The following CAMKMT variants were observed in gnomAD, a reference collection of about 807,000 sequenced individuals.
CAMKMT encodes the protein calmodulin-lysine N-methyltransferase, also known as CaM KMT.
Under a neutral mutation model 48.0 loss-of-function variants are expected in CAMKMT, and 53 were observed. That is an observed-to-expected ratio of 1.10 (90% CI 0.89 to 1.39). The LOEUF (loss-of-function observed/expected upper bound fraction) is 1.39. Among genes scored for constraint, CAMKMT ranks in the 40% most tolerant of loss-of-function variants. CAMKMT has a pLI of 0.00. For missense variants in CAMKMT, 428 were observed against 402.7 expected, an observed-to-expected ratio of 1.06 and a Z score of -0.54; for synonymous variants, 165 against 152.3, an observed-to-expected ratio of 1.08 and a Z score of -0.61.
chr2:44,443,830 T>C (rs1463932070), intron 3 of CAMKMT, among the ~76,000 whole-genome samples: 1 of 152,208 alleles, frequency 6.6e-6, no homozygotes. Flanking sequence ...TCTCACCTCA[T>C]ATGTATGGCA....
intron 3 of CAMKMT, among the ~76,000 whole-genome samples, chr2:44,685,191 C>G (rs140005159): frequency 5.5e-4 from 83 of 152,038 alleles, no homozygotes; most frequent in African/African-American, 1.9e-3. Context: ...TTTTCTTTAT[C>G]AAAGTATGAT....
At chr2:44,468,887 C>G (rs1427728462) in intron 3 of CAMKMT, among the ~76,000 whole-genome samples, 3 of 152,124 alleles carry the variant, frequency 2.0e-5, no homozygotes, top group Non-Finnish European at 2.9e-5. Flanking sequence ...CATTGTACTA[C>G]AGCCTGGATG....
At chr2:44,754,670 A>G (rs1461034024) in intron 9 of CAMKMT, among the ~76,000 whole-genome samples, 1 of 152,230 alleles carries the variant, frequency 6.6e-6, no homozygotes, top group East Asian at 1.9e-4. Context: ...CAAGCATGGC[A>G]TAAAATATTG....
intron 9 of CAMKMT, among the ~76,000 whole-genome samples, chr2:44,755,850 C>T (rs890673543): frequency 1.3e-5 from 2 of 152,098 alleles, no homozygotes; most frequent in Non-Finnish European, 2.9e-5. Context: ...AGGCAGGGCC[C>T]TAGGGGAGGT....
chr2:44,736,245 T>A (rs1558826526), intron 7 of CAMKMT, among the ~76,000 whole-genome samples: 1 of 152,206 alleles, frequency 6.6e-6, no homozygotes, highest in Non-Finnish European at 1.5e-5. Flanking sequence ...TCTGAAAACA[T>A]CTGTTTCACC....
At chr2:44,453,291 G>T (rs1667389812) in intron 3 of CAMKMT, among the ~76,000 whole-genome samples, 1 of 152,136 alleles carries the variant, frequency 6.6e-6, no homozygotes, top group Admixed American at 6.6e-5. Context: ...TGCTATTAAT[G>T]TTTGTACTAG....
chr2:44,496,721 T>A (rs142563316), intron 3 of CAMKMT, among the ~76,000 whole-genome samples: 114 of 152,328 alleles, frequency 7.5e-4, no homozygotes, highest in African/African-American at 2.6e-3. Context: ...AAATGTGTAG[T>A]CACAAATGTG....
At chr2:44,639,460 C>T (rs1290476126) in intron 3 of CAMKMT, among the ~76,000 whole-genome samples, 1 of 152,148 alleles carries the variant, frequency 6.6e-6, no homozygotes, top group East Asian at 1.9e-4. Flanking sequence ...TAAATTTGGG[C>T]AAATTAATCT....
At chr2:44,393,315 C>G (rs1484640899) in intron 3 of CAMKMT, 1 of 152,088 alleles carries the variant, frequency 6.6e-6, no homozygotes, top group East Asian at 1.9e-4. Context: ...GTATGAACTG[C>G]AAAGTGTTTT....
At chr2:44,613,552 A>T (rs1042137922) in intron 3 of CAMKMT, among the ~76,000 whole-genome samples, 10 of 152,210 alleles carry the variant, frequency 6.6e-5, no homozygotes, top group African/African-American at 2.4e-4. Flanking sequence ...TGTTTAACTC[A>T]TCAGGAAATA....
rs1239742082 is a variant in CAMKMT at position 44,389,100 on chromosome 2, C to T, written c.312-1141C>T. Among the ~76,000 whole-genome samples the T allele has an allele frequency of 2.0e-5, 3 of 152,094 alleles. No individual in the cohort carries two copies. The East Asian group carries it at 5.8e-4, about 29-fold the overall frequency. The stretch of plus-strand genomic sequence containing the variant: ...GTATATGCCCTTTGTCTTCAGCTAC[C>T]AGGCTGGGTAGGGAAGGACCATCAT... On this transcript the variant is annotated intron_variant, in intron 2 of 10. Transcript: ENST00000378494.
chr2:44,522,242 T>G (rs1671154880), intron 3 of CAMKMT, among the ~76,000 whole-genome samples: 1 of 152,150 alleles, frequency 6.6e-6, no homozygotes, highest in African/African-American at 2.4e-5. Context: ...CCTGACCTCG[T>G]GATATGCTCG....
intron 3 of CAMKMT, among the ~76,000 whole-genome samples, chr2:44,597,424 C>A (rs1367989078): frequency 6.6e-6 from 1 of 152,170 alleles, no homozygotes; most frequent in South Asian, 2.1e-4. Context: ...CAGTGATATA[C>A]CAACTTACAC....
At chr2:44,603,512 C>G (rs1671119209) in intron 3 of CAMKMT, among the ~76,000 whole-genome samples, 1 of 152,164 alleles carries the variant, frequency 6.6e-6, no homozygotes, top group African/African-American at 2.4e-5. Context: ...TGAAAACAAA[C>G]AAATACTTTA....
In CAMKMT at chr2:44,463,823, C is replaced by T. The variant is rs569931511; in HGVS notation, c.376+73518C>T. 7.2e-5 allele frequency among the ~76,000 whole-genome samples: 11 copies of T among 152,330 alleles called. No homozygotes were observed. In the South Asian group the frequency reaches 2.3e-3, roughly 32 times the overall value. On this transcript the variant is annotated intron_variant, in intron 3 of 10. Transcript: ENST00000378494. Reference sequence around the variant, plus strand: ...AAAAGGATTGAGAGGCTGTCAGATTCTCTGGCTGTGCTGTTTGGTGAAGGT... The same window carrying T: ...AAAAGGATTGAGAGGCTGTCAGATTTTCTGGCTGTGCTGTTTGGTGAAGGT...
chr2:44,528,300 G>A (rs893469634), intron 3 of CAMKMT, among the ~76,000 whole-genome samples: 1 of 151,874 alleles, frequency 6.6e-6, no homozygotes, highest in African/African-American at 2.4e-5. Flanking sequence ...CTTAGTTCTT[G>A]TTTTATGAAA....
intron 3 of CAMKMT, among the ~76,000 whole-genome samples, chr2:44,516,315 A>AT (rs1670830564): frequency 1.3e-5 from 2 of 152,346 alleles, no homozygotes; most frequent in South Asian, 4.1e-4. Flanking sequence ...ATGCAGTTAA[A>AT]TTATTTTTAG....
At chr2:44,426,160 G>A (rs1400076602) in intron 3 of CAMKMT, among the ~76,000 whole-genome samples, 1 of 152,132 alleles carries the variant, frequency 6.6e-6, no homozygotes, top group Admixed American at 6.5e-5. Flanking sequence ...CTAAAACATA[G>A]TTTAAATATT....
chr2:44,402,749 T>TTG (rs1682504694), intron 3 of CAMKMT, among the ~76,000 whole-genome samples: 2 of 148,862 alleles, frequency 1.3e-5, no homozygotes, highest in South Asian at 4.2e-4. Context: ...TGTTTTTTTT[T>TTG]TTTTTTTTTT....
Sources: allele counts gnomAD v4.1 joint callset (sites outside exome capture counted in the v4.1 genomes callset), GRCh38; gene constraint gnomAD v4.1.1; transcripts MANE v1.5; gene names NCBI Gene and HGNC (gene_info 2026-07-23, HGNC 2026-07-21).